The following ZNF536 variants were observed in gnomAD, a reference collection of about 807,000 sequenced individuals.
The protein encoded by ZNF536 is zinc finger protein 536.
In ZNF536, 13 loss-of-function variants were observed where a neutral mutation model predicts 84.5. That is an observed-to-expected ratio of 0.15 (90% CI 0.10 to 0.24). The LOEUF is 0.24. ZNF536 is among the 10% of genes least tolerant of loss of function. ZNF536 has a pLI of 1.00. For synonymous variants in ZNF536, 811 were observed against 742.5 expected (o/e 1.09, Z -1.50); for missense variants, 1,536 against 1,747.5 (o/e 0.88, Z 2.16).
chr19:30,592,986 C>A (rs1465734433), intron 1 of ZNF536, among the ~76,000 whole-genome samples: 1 of 152,214 alleles, frequency 6.6e-6, no homozygotes, highest in Non-Finnish European at 1.5e-5. Context: ...TCAAGTCCAG[C>A]ATCTTCTCCC....
intron 1 of ZNF536, among the ~76,000 whole-genome samples, chr19:30,611,371 C>A (rs2048100167): frequency 6.6e-6 from 1 of 152,182 alleles, no homozygotes; most frequent in Non-Finnish European, 1.5e-5. Flanking sequence ...ACAGGCATCC[C>A]AGAAAAGCTG....
intron 1 of ZNF536, among the ~76,000 whole-genome samples, chr19:30,415,279 C>CTCT (rs2050674527): frequency 9.5e-6 from 1 of 104,966 alleles, no homozygotes; most frequent in Non-Finnish European, 2.0e-5. Flanking sequence ...CCTGCTCCTC[C>CTCT]TCCTCCTTCT....
intron 2 of ZNF536, among the ~76,000 whole-genome samples, chr19:30,344,544 G>A (rs1398956988): frequency 1.3e-5 from 2 of 151,440 alleles, no homozygotes; most frequent in Admixed American, 1.3e-4. Context: ...CTCCGAGTCA[G>A]CACTGGATCT....
At chr19:30,479,818 C>G (rs2053999814) in intron 2 of ZNF536, among the ~76,000 whole-genome samples, 1 of 152,234 alleles carries the variant, frequency 6.6e-6, no homozygotes, top group African/African-American at 2.4e-5. Context: ...GGTTAACCAG[C>G]CACTGATCCA....
chr19:30,473,309 A>G (rs2053715874), intron 2 of ZNF536, among the ~76,000 whole-genome samples: 1 of 152,112 alleles, frequency 6.6e-6, no homozygotes, highest in Non-Finnish European at 1.5e-5. Flanking sequence ...CCTCTGATAC[A>G]GTTCCCCCTA....
chr19:30,689,368 A>G (rs12608856), intron 1 of ZNF536, among the ~76,000 whole-genome samples: 1 of 152,190 alleles, frequency 6.6e-6, no homozygotes, highest in Non-Finnish European at 1.5e-5. Context: ...TGCCAAAAAC[A>G]TGTCCGTCTG....
chr19:30,298,689 T>C (rs2046085454), intron 2 of ZNF536, among the ~76,000 whole-genome samples: 1 of 152,240 alleles, frequency 6.6e-6, no homozygotes, highest in African/African-American at 2.4e-5. Context: ...CCATTCCCCA[T>C]ATCTGCAGGT....
chr19:30,597,303 G>T, intron 1 of ZNF536, among the ~76,000 whole-genome samples: 1 of 152,212 alleles, frequency 6.6e-6, no homozygotes, highest in East Asian at 1.9e-4. Context: ...CAGGGCATTT[G>T]TCTACTTGTG....
At chr19:30,636,923 A>T (rs1231587662) in intron 1 of ZNF536, among the ~76,000 whole-genome samples, 1 of 152,156 alleles carries the variant, frequency 6.6e-6, no homozygotes, top group Non-Finnish European at 1.5e-5. Flanking sequence ...CAGGGCTGGA[A>T]ACACAGCCAT....
intron 1 of ZNF536, among the ~76,000 whole-genome samples, chr19:30,678,879 C>T (rs1459452424): frequency 6.6e-6 from 1 of 152,128 alleles, no homozygotes; most frequent in Non-Finnish European, 1.5e-5. Context: ...GAGGTTGAGA[C>T]TGCCTTGAGC....
At chr19:30,666,329 C>A (rs2050316668) in intron 1 of ZNF536, among the ~76,000 whole-genome samples, 1 of 152,172 alleles carries the variant, frequency 6.6e-6, no homozygotes, top group Admixed American at 6.5e-5. Context: ...CTTCTCACAT[C>A]AGAAGCTGGC....
At chr19:30,499,887 G>C (rs1261982115) in intron 2 of ZNF536, among the ~76,000 whole-genome samples, 1 of 152,120 alleles carries the variant, frequency 6.6e-6, no homozygotes, top group Non-Finnish European at 1.5e-5. Context: ...GGGAGGGATG[G>C]TGGCAGATGA....
chr19:30,546,958 C>T (rs1005167150), intron 3 of ZNF536, among the ~76,000 whole-genome samples: 3 of 152,054 alleles, frequency 2.0e-5, no homozygotes, highest in African/African-American at 7.2e-5. Flanking sequence ...CTTTTTCCAC[C>T]GTGGAAAGAA....
intron 2 of ZNF536, among the ~76,000 whole-genome samples, chr19:30,459,155 C>T (rs763906208): frequency 2.6e-5 from 4 of 152,056 alleles, no homozygotes; most frequent in African/African-American, 9.7e-5. Flanking sequence ...TTTATTTCTA[C>T]GCTATACAAT....
chr19:30,390,121 A>G (rs2049517421), intron 1 of ZNF536, among the ~76,000 whole-genome samples: 1 of 152,148 alleles, frequency 6.6e-6, no homozygotes, highest in African/African-American at 2.4e-5. Context: ...CTCCTTCCTA[A>G]GCACTTACTG....
chr19:30,591,810 G>T (rs955205378), intron 1 of ZNF536, among the ~76,000 whole-genome samples: 7 of 152,144 alleles, frequency 4.6e-5, no homozygotes, highest in Admixed American at 6.5e-5. Context: ...TTGGAGAGGG[G>T]CACCACCCTT....
chr19:30,573,659 C>T (rs1193805859), intron 1 of ZNF536, among the ~76,000 whole-genome samples: 3 of 152,208 alleles, frequency 2.0e-5, no homozygotes, highest in African/African-American at 7.2e-5. Flanking sequence ...TTGAACTACA[C>T]CCACCCGGTT....
intron 1 of ZNF536, among the ~76,000 whole-genome samples, chr19:30,663,204 T>C (rs975615119): frequency 6.6e-6 from 1 of 152,156 alleles, no homozygotes; most frequent in Admixed American, 6.5e-5. Context: ...CACATGGTAG[T>C]GTCATTTAAT....
intron 1 of ZNF536, among the ~76,000 whole-genome samples, chr19:30,656,070 T>C (rs1488663735): frequency 6.6e-6 from 1 of 152,144 alleles, no homozygotes; most frequent in South Asian, 2.1e-4. Flanking sequence ...CCCACTTTCA[T>C]TGACATCTGC....
Sources: allele counts gnomAD v4.1 joint callset (sites outside exome capture counted in the v4.1 genomes callset), GRCh38; gene constraint gnomAD v4.1.1; transcripts MANE v1.5; gene names NCBI Gene and HGNC (gene_info 2026-07-23, HGNC 2026-07-21).